ARID3A: variants seen among roughly 807,000 people sequenced by gnomAD.
ARID3A encodes AT-rich interaction domain 3A, also known as AT-rich interactive domain-containing protein 3A.
A neutral mutation model predicts 52.7 loss-of-function variants in ARID3A; 11 were observed. The ratio of observed to expected loss-of-function variants is 0.21; its 90% CI spans 0.13 to 0.35. The LOEUF (loss-of-function observed/expected upper bound fraction) is 0.35. Ranked by LOEUF, ARID3A falls within the 10% of genes least tolerant of loss-of-function variation. The probability of loss-of-function intolerance (pLI) is 1.00; values close to 1 mark genes in which losing one functional copy is unlikely to be tolerated. For missense variants in ARID3A, 721 were observed against 838.5 expected, an observed-to-expected ratio of 0.86 and a Z score of 1.73; for synonymous variants, 404 against 359.4, an observed-to-expected ratio of 1.12 and a Z score of -1.40.
At chr19:932,131 C>T (rs1009141386) in intron 2 of ARID3A, among the ~76,000 whole-genome samples, 3 of 152,008 alleles carry the variant, frequency 2.0e-5, no homozygotes, top group Non-Finnish European at 4.4e-5. Flanking sequence ...AGAGTGCTGC[C>T]GGGATTATAG....
At chr19:935,241 T>A (rs2145365139) in intron 3 of ARID3A, among the ~76,000 whole-genome samples, 1 of 151,182 alleles carries the variant, frequency 6.6e-6, no homozygotes, top group Non-Finnish European at 1.5e-5. Context: ...GCAGGTCTGG[T>A]GGGTGGCCAG....
intron 1 of ARID3A, among the ~76,000 whole-genome samples, chr19:926,973 T>C (rs954727012): frequency 6.7e-5 from 10 of 149,060 alleles, no homozygotes; most frequent in African/African-American, 1.6e-4. Flanking sequence ...CTTCTTGAGT[T>C]TTTTTCTCAC....
intron 2 of ARID3A, among the ~76,000 whole-genome samples, chr19:931,250 C>T (rs1286734558): frequency 6.6e-6 from 1 of 151,984 alleles, no homozygotes; most frequent in East Asian, 1.9e-4. Flanking sequence ...GCTGTGATCA[C>T]ACCACTGCAC....
chr19:927,086 C>T (rs1046014381), intron 1 of ARID3A, among the ~76,000 whole-genome samples: 4 of 152,024 alleles, frequency 2.6e-5, no homozygotes, highest in African/African-American at 9.7e-5. Flanking sequence ...GGGCCCCTTT[C>T]GCCACCCGCG....
At chr19:935,903 G>T (rs1368524502) in intron 3 of ARID3A, among the ~76,000 whole-genome samples, 1 of 152,258 alleles carries the variant, frequency 6.6e-6, no homozygotes, top group Non-Finnish European at 1.5e-5. Flanking sequence ...CCATTCTCCT[G>T]CCTCAGCCTC....
Position 941,232 on chromosome 19 carries a change from G to A in ARID3A, c.693+8490G>A, listed in dbSNP as rs533804581. ...GGCGGGGGAATGGGCGTGGTGAGCC[G>A]CCGTGGCGTGCGTGCGAGTGTGCAC... is the stretch of plus-strand genomic sequence containing the variant. On this transcript the variant is annotated intron_variant, in intron 3 of 8. Transcript: ENST00000263620. The surrounding 1 kb of genome is among the most constrained non-coding windows in gnomAD (Gnocchi z 6.9). 1.3e-5 allele frequency among the ~76,000 whole-genome samples: 2 copies of A among 152,256 alleles called. No individual in the cohort carries two copies. The highest frequency in any genetic ancestry group is 2.9e-5 in the Non-Finnish European group (2 of 68,034).
At position 941,448 on chromosome 19, in the gene ARID3A, G is replaced by T. The variant is rs1400088138; in HGVS notation, c.693+8706G>T. 6.6e-6 allele frequency among the ~76,000 whole-genome samples: 1 copy of T among 152,218 alleles called. No individual in the cohort carries two copies. The highest frequency in any genetic ancestry group is 6.5e-5 in the Admixed American group (1 of 15,282). The stretch of plus-strand genomic sequence containing the variant: ...CGGCACCTCACGCGCCCGCCTGCGT[G>T]TCCCCAGCCAGCACCACGGTGTTCG... On this transcript the variant is annotated intron_variant, in intron 3 of 8. Transcript: ENST00000263620. The surrounding 1 kb of genome is among the most constrained non-coding windows in gnomAD (Gnocchi z 6.9).
chr19:960,006 C>G lies in ARID3A; in HGVS notation c.694-86C>G. The G allele has an allele frequency of 7.9e-7, 1 of 1,258,292 alleles. No individual in the cohort carries two copies. Among genetic ancestry groups the G allele is most frequent in the Non-Finnish European group, 1.1e-6 (1 of 888,598 alleles). The allele number at this position is 1,258,292 out of a possible 1,614,324, so 77.9% of individuals were successfully genotyped here. ...GGTGGTGACCCCTGCTCCTGTCCTCCTGACCTGGCCTCCAGTGCAGGAGGG... is the reference window on the plus strand; with the variant it reads ...GGTGGTGACCCCTGCTCCTGTCCTCGTGACCTGGCCTCCAGTGCAGGAGGG... On this transcript the variant is annotated intron_variant, in intron 3 of 8. Coordinates refer to ENST00000263620, the MANE Select transcript of ARID3A (RefSeq NM_005224.3). The surrounding 1 kb of genome is among the most constrained non-coding windows in gnomAD (Gnocchi z 4.3).
chr19:957,087 C>T (rs1359775060), intron 3 of ARID3A, among the ~76,000 whole-genome samples: 1 of 138,748 alleles, frequency 7.2e-6, no homozygotes, highest in African/African-American at 2.8e-5. Flanking sequence ...CGGCTTTCCC[C>T]CACCCTGCCC....
At position 947,825 on chromosome 19, in the gene ARID3A, A is replaced by T. The variant is rs2037719155; in HGVS notation, c.694-12267A>T. 6.6e-6 allele frequency among the ~76,000 whole-genome samples: 1 copy of T among 152,218 alleles called. No individual in the cohort carries two copies. Among genetic ancestry groups the T allele is most frequent in the Non-Finnish European group, 1.5e-5 (1 of 68,024 alleles). ...TCAGGGCCGGGGGAGTGGAGCCGGC[A>T]GATGTTCGGCCCTGCCCAGAATCAC... On this transcript the variant is annotated intron_variant, in intron 3 of 8. Transcript: ENST00000263620. This position sits in a 1 kb window ranked among gnomAD's most constrained non-coding sequence, Gnocchi z 6.3.
At chr19:957,811 T>C (rs578189812) in intron 3 of ARID3A, among the ~76,000 whole-genome samples, 82 of 152,050 alleles carry the variant, frequency 5.4e-4, no homozygotes, top group Non-Finnish European at 9.8e-4. Flanking sequence ...GCCACTGCAC[T>C]CCAGGCTGGG....
intron 3 of ARID3A, among the ~76,000 whole-genome samples, chr19:943,707 G>C (rs1288480342): frequency 3.9e-5 from 6 of 152,350 alleles, no homozygotes; most frequent in African/African-American, 1.4e-4. Flanking sequence ...GGAGAGGAGG[G>C]AAGGACCCTC....
intron 3 of ARID3A, among the ~76,000 whole-genome samples, chr19:945,289 G>A (rs920485720): frequency 7.2e-5 from 11 of 152,268 alleles, no homozygotes; most frequent in African/African-American, 2.7e-4. Context: ...ATCAGAAGGA[G>A]TGCAGCTCTT....
chr19:943,321 C>T (rs1370712311), intron 3 of ARID3A, among the ~76,000 whole-genome samples: 1 of 150,706 alleles, frequency 6.6e-6, no homozygotes, highest in African/African-American at 2.4e-5. Flanking sequence ...GTAATCCCAG[C>T]ACTTTGGGAG....
chr19:968,755 C>G (rs984928406), intron 8 of ARID3A: 1 of 378,514 alleles, frequency 2.6e-6, no homozygotes, highest in Non-Finnish European at 4.8e-6. Context: ...GTTCACATTC[C>G]TAGTTTTTTG....
chr19:953,794 C>T (rs1004391345), intron 3 of ARID3A, among the ~76,000 whole-genome samples: 2 of 152,192 alleles, frequency 1.3e-5, no homozygotes, highest in South Asian at 2.1e-4. Flanking sequence ...GACGCCAAGG[C>T]TGGGTCTGGG....
chr19:969,289 C>T (rs1215660785), intron 8 of ARID3A, among the ~76,000 whole-genome samples: 1 of 151,892 alleles, frequency 6.6e-6, no homozygotes, highest in Non-Finnish European at 1.5e-5. Context: ...ATAGTTCCAG[C>T]ACTTCGGGAG....
rs895222686 is a variant in ARID3A at position 960,664 on chromosome 19, C to A, written c.766+500C>A. Among the ~76,000 whole-genome samples the A allele has an allele frequency of 6.6e-6, 1 of 152,128 alleles. No homozygotes were observed. The highest frequency in any genetic ancestry group is 1.5e-5 in the Non-Finnish European group (1 of 68,012). On this transcript the variant is annotated intron_variant, in intron 4 of 8. Transcript: ENST00000263620. The surrounding 1 kb of genome is among the most constrained non-coding windows in gnomAD (Gnocchi z 4.3). ...ACATTTGAGTCCTGGCCCCTCCCCT[C>A]TTCCCACCAGGGCCTCAGTTTCCCC...
At position 968,488 on chromosome 19, in the gene ARID3A, G is replaced by A. The variant is rs770082664; in HGVS notation, c.1579G>A (p.Gly527Ser). 7 of 1,613,892 alleles carry A rather than the reference G, an allele frequency of 4.3e-6. No homozygotes were observed. The highest frequency in any genetic ancestry group is 1.7e-5 in the Admixed American group (1 of 60,002). ...CATCAGCATGTCGGTGGAGATCAACGGCATCATGTACACAGGTAGGACCCC... is the reference window on the plus strand; with the variant it reads ...CATCAGCATGTCGGTGGAGATCAACAGCATCATGTACACAGGTAGGACCCC... Reference protein sequence around the residue: ...NSISMSVEINGIMYTGVLFAQ... With the variant: ...NSISMSVEINSIMYTGVLFAQ... The change falls in exon 8 of 9, where the codon GGC (glycine) becomes AGC (serine). Residue 527 changes from glycine to serine, a missense_variant. By Grantham distance (56) the Gly-to-Ser change is moderately conservative. This residue lies in a region of ARID3A where 297 missense variants were observed against 343.2 expected (regional missense o/e 0.87). Coordinates refer to ENST00000263620, the MANE Select transcript of ARID3A (RefSeq NM_005224.3).
Sources: gnomAD v4.1 joint callset for allele counts (sites outside exome capture counted in the v4.1 genomes callset) on GRCh38, gnomAD v4.1.1 for gene constraint, gnomAD v4.1.1 regional missense constraint, Gnocchi (gnomAD v3.1) non-coding constraint, MANE v1.5 for transcripts, NCBI Gene and HGNC (gene_info 2026-07-23, HGNC 2026-07-21) for gene names.